Variants in DOCK1 observed in about 807,000 individuals in gnomAD.
The protein encoded by DOCK1 is dedicator of cytokinesis 1, also known as dedicator of cytokinesis protein 1.
A neutral mutation model predicts 262.7 loss-of-function variants in DOCK1; 138 were observed. The observed-to-expected ratio is 0.53, with a 90% CI of 0.46 to 0.61. The LOEUF is 0.61. Ranked by LOEUF, DOCK1 falls within the 20% of genes least tolerant of loss-of-function variation. The pLI is 0.00. For synonymous variants in DOCK1, 866 were observed against 867.4 expected (o/e 1.00, Z 0.03); for missense variants, 1,908 against 2,370.7 (o/e 0.80, Z 4.05).
At chr10:127,156,611 A>G (rs540407877) in intron 27 of DOCK1, among the ~76,000 whole-genome samples, 1 of 111,312 alleles carries the variant, frequency 9.0e-6, no homozygotes, top group South Asian at 3.2e-4. Flanking sequence ...CTTGTTGCCC[A>G]GGCTGGAGTG....
intron 10 of DOCK1, chr10:127,001,549 A>G (rs1225425368): frequency 6.6e-6 from 1 of 152,194 alleles, no homozygotes; most frequent in Non-Finnish European, 1.5e-5. Context: ...AATACCGTAT[A>G]TTCACCATTG....
At position 127,175,602 on chromosome 10, in the gene DOCK1, G is replaced by A. The variant is rs752623435; in HGVS notation, c.2847+47838G>A. ...AGAGTCTGACAAACCAGGCTCGGGG[G>A]CCCTGGCACTGAGGGCAGGTGCGTA... On this transcript the variant is annotated intron_variant, in intron 27 of 51. Coordinates refer to ENST00000623213, the MANE Select transcript of DOCK1 (RefSeq NM_001290223.2). This position sits in a 1 kb window ranked among gnomAD's most constrained non-coding sequence, Gnocchi z 6.3. 5.6e-6 allele frequency: 9 copies of A among 1,612,570 alleles called. No homozygotes were observed. The highest frequency in any genetic ancestry group is 1.3e-5 in the African/African-American group (1 of 74,916).
At chr10:127,319,770 G>A (rs574867907) in intron 29 of DOCK1, among the ~76,000 whole-genome samples, 7 of 152,346 alleles carry the variant, frequency 4.6e-5, no homozygotes, top group African/African-American at 1.7e-4. Flanking sequence ...ATGTGGCCAC[G>A]TGTCTGCTCG....
In DOCK1 at chr10:126,927,645, C is replaced by T. The variant is rs902306581; in HGVS notation, c.46+22082C>T. Among the ~76,000 whole-genome samples, 641 of 152,236 alleles carry T rather than the reference C, an allele frequency of 4.2e-3. 3 individuals are homozygous for T. Among genetic ancestry groups the T allele is most frequent in the African/African-American group, 0.011 (468 of 41,552 alleles). On this transcript the variant is annotated intron_variant, in intron 1 of 51. Transcript: ENST00000623213. ...AGAGACGGGGTTTCATCTTGTTGGT[C>T]GTGCTGGCCTCGAACTCCTGACCTC... is the stretch of plus-strand genomic sequence containing the variant.
chr10:127,158,963 C>G (rs906349439), intron 27 of DOCK1, among the ~76,000 whole-genome samples: 5 of 152,174 alleles, frequency 3.3e-5, no homozygotes, highest in Admixed American at 3.3e-4. Context: ...GGTTTTATCC[C>G]AGGGACCAAT....
Position 126,942,655 on chromosome 10 carries a change from G to A in DOCK1, c.47-28047G>A, listed in dbSNP as rs914838855. ...CGTCATCTGGGACCCTGGGATCTGC[G>A]ATGCAGCAGAGTTCCATTATCCCGT... On this transcript the variant is annotated intron_variant, in intron 1 of 51. Transcript: ENST00000623213. Among the ~76,000 whole-genome samples, 20 of 152,216 alleles carry A rather than the reference G, an allele frequency of 1.3e-4. No homozygotes were observed. The East Asian group carries it at 3.7e-3, about 28-fold the overall frequency.
intron 1 of DOCK1, among the ~76,000 whole-genome samples, chr10:126,948,490 G>T (rs933631859): frequency 6.6e-6 from 1 of 151,910 alleles, no homozygotes; most frequent in Non-Finnish European, 1.5e-5. Context: ...TGAGGGTGAT[G>T]AAGGTGGTAA....
chr10:127,121,922 TA>T (rs1294984564), intron 25 of DOCK1, among the ~76,000 whole-genome samples: 4 of 152,236 alleles, frequency 2.6e-5, no homozygotes, highest in African/African-American at 7.2e-5. Context: ...CACACACTCA[TA>T]CCACCACTAT....
At chr10:127,290,611 C>A (rs2061316175) in intron 29 of DOCK1, among the ~76,000 whole-genome samples, 1 of 152,178 alleles carries the variant, frequency 6.6e-6, no homozygotes, top group African/African-American at 2.4e-5. Flanking sequence ...TTTCTGACAA[C>A]CACTAATGCC....
chr10:127,415,444 C>T (rs1279348501), intron 44 of DOCK1, among the ~76,000 whole-genome samples: 2 of 152,208 alleles, frequency 1.3e-5, no homozygotes, highest in Non-Finnish European at 2.9e-5. Flanking sequence ...TGTGTAATCA[C>T]GACCAACTCT....
chr10:127,019,205 G>A (rs1329929361), intron 13 of DOCK1, among the ~76,000 whole-genome samples: 2 of 152,190 alleles, frequency 1.3e-5, no homozygotes, highest in Admixed American at 6.5e-5. Flanking sequence ...TCGCTGAATG[G>A]AAATGCCTGT....
rs936971247 is a variant in DOCK1 at position 127,287,170 on chromosome 10, G to T, written c.3044+29741G>T. 3.6e-4 allele frequency among the ~76,000 whole-genome samples: 55 copies of T among 151,028 alleles called. 3 individuals are homozygous for T. The highest frequency in any genetic ancestry group is 1.3e-4 in the Admixed American group (2 of 15,184). The stretch of plus-strand genomic sequence containing the variant: ...GATCTGCCTGCCTTAGCCTCCCAAA[G>T]TGCTGGGATTACAGGCATGAGCCAC... On this transcript the variant is annotated intron_variant, in intron 29 of 51. Transcript: ENST00000623213.
At chr10:127,274,732 C>T (rs552701585) in intron 29 of DOCK1, among the ~76,000 whole-genome samples, 168 of 152,244 alleles carry the variant, frequency 1.1e-3, no homozygotes, top group African/African-American at 3.7e-3. Flanking sequence ...GGAGTGTTCC[C>T]GAGCTCTGTT....
rs908577239 is a variant in DOCK1, at chr10:126,952,165, A to G, written c.47-18537A>G. ...GCCTGGCCAGCCTCTTCGTTTATAT[A>G]GGGTGTACACCAAGTAACCAATGGT... On this transcript the variant is annotated intron_variant, in intron 1 of 51. Transcript: ENST00000623213. Among the ~76,000 whole-genome samples the G allele has an allele frequency of 3.3e-5, 5 of 152,052 alleles. No homozygotes were observed. In the East Asian group the frequency reaches 5.8e-4, roughly 18 times the overall value.
intron 12 of DOCK1, chr10:127,018,474 G>A (rs139514832): frequency 1.4e-4 from 76 of 561,352 alleles, no homozygotes; most frequent in African/African-American, 8.7e-4. Flanking sequence ...GCTGATGTGC[G>A]TTCAGCTGTC....
intron 33 of DOCK1, among the ~76,000 whole-genome samples, chr10:127,364,823 C>G (rs1204125385): frequency 6.6e-6 from 1 of 152,030 alleles, no homozygotes; most frequent in East Asian, 1.9e-4. Context: ...TCCCTCCCTC[C>G]CTTTCTTCCT....
At chr10:127,086,695 G>A (rs2136059753) in intron 23 of DOCK1, among the ~76,000 whole-genome samples, 1 of 152,242 alleles carries the variant, frequency 6.6e-6, no homozygotes, top group African/African-American at 2.4e-5. Context: ...AAAGTCCCGT[G>A]TCTTAAGCAC....
In DOCK1 at chr10:127,297,435, C is replaced by T. The variant is rs190961902; in HGVS notation, c.3044+40006C>T. Among the ~76,000 whole-genome samples, 172 of 151,896 alleles carry T rather than the reference C, an allele frequency of 1.1e-3. 1 individual carries two copies. Among genetic ancestry groups the T allele is most frequent in the Non-Finnish European group, 1.5e-3 (103 of 67,968 alleles). Reference sequence around the variant, plus strand: ...TGTGATGAGAGAAGTGGGGACGCATCGTCATGGGGACCATCTTGATGGAGG... The same window carrying T: ...TGTGATGAGAGAAGTGGGGACGCATTGTCATGGGGACCATCTTGATGGAGG... On this transcript the variant is annotated intron_variant, in intron 29 of 51. Transcript: ENST00000623213.
intron 29 of DOCK1, among the ~76,000 whole-genome samples, chr10:127,274,723 G>T (rs902944817): frequency 2.6e-5 from 4 of 152,220 alleles, no homozygotes; most frequent in Admixed American, 2.6e-4. Context: ...TGCGAGGTGG[G>T]AGTGTTCCCG....
Sources: allele counts gnomAD v4.1 joint callset (sites outside exome capture counted in the v4.1 genomes callset), GRCh38; gene constraint gnomAD v4.1.1; non-coding constraint Gnocchi (gnomAD v3.1); transcripts MANE v1.5; gene names NCBI Gene and HGNC (gene_info 2026-07-23, HGNC 2026-07-21).